ADAMTS6: variants seen among roughly 807,000 people sequenced by gnomAD.
The protein encoded by ADAMTS6 is ADAM metallopeptidase with thrombospondin type 1 motif 6.
ADAMTS6 carries 23 observed loss-of-function variants against 144.3 expected under a neutral mutation model. The observed-to-expected ratio is 0.16, with a 90% CI of 0.11 to 0.23. The LOEUF is 0.23. Ranked by LOEUF, ADAMTS6 falls within the 10% of genes least tolerant of loss-of-function variation. ADAMTS6 has a pLI of 1.00. For synonymous variants in ADAMTS6, 444 were observed against 457.5 expected (o/e 0.97, Z 0.38); for missense variants, 999 against 1,379.6 (o/e 0.72, Z 4.37).
chr5:65,236,073 A>T (rs58179964), intron 15 of ADAMTS6, among the ~76,000 whole-genome samples: 1 of 152,222 alleles, frequency 6.6e-6, no homozygotes, highest in Non-Finnish European at 1.5e-5. Flanking sequence ...AAATCTTTTT[A>T]AAAATGAAAG....
intron 7 of ADAMTS6, among the ~76,000 whole-genome samples, chr5:65,394,031 T>C (rs1358076187): frequency 6.6e-6 from 1 of 151,796 alleles, no homozygotes; most frequent in African/African-American, 2.4e-5. Context: ...ATGTGGCAAA[T>C]TTTTTTTTCC....
chr5:65,441,163 A>G (rs756316199), intron 7 of ADAMTS6, among the ~76,000 whole-genome samples: 7 of 152,148 alleles, frequency 4.6e-5, no homozygotes, highest in African/African-American at 7.2e-5. Context: ...CCCAAATTAA[A>G]CCACTAGAGA....
At chr5:65,344,775 C>T (rs1416628270) in intron 7 of ADAMTS6, among the ~76,000 whole-genome samples, 1 of 151,832 alleles carries the variant, frequency 6.6e-6, no homozygotes, top group East Asian at 1.9e-4. Flanking sequence ...ACATATTCGT[C>T]TTATTTTCGT....
intron 20 of ADAMTS6, among the ~76,000 whole-genome samples, chr5:65,204,874 T>C (rs1755979582): frequency 6.6e-6 from 1 of 152,204 alleles, no homozygotes; most frequent in Non-Finnish European, 1.5e-5. Context: ...AAACTATCTT[T>C]CACAGGGAAT....
chr5:65,179,861 T>C (rs1754227806), intron 22 of ADAMTS6, among the ~76,000 whole-genome samples: 1 of 152,146 alleles, frequency 6.6e-6, no homozygotes. Context: ...TTACATGTCT[T>C]TTCATCTCTA....
At chr5:65,281,311 T>A (rs964211047) in intron 11 of ADAMTS6, among the ~76,000 whole-genome samples, 1 of 152,210 alleles carries the variant, frequency 6.6e-6, no homozygotes, top group Non-Finnish European at 1.5e-5. Flanking sequence ...TAAGGCTGAT[T>A]AGTAATGGTT....
At chr5:65,427,117 C>T (rs1201276941) in intron 7 of ADAMTS6, among the ~76,000 whole-genome samples, 1 of 152,072 alleles carries the variant, frequency 6.6e-6, no homozygotes, top group African/African-American at 2.4e-5. Flanking sequence ...AAAATACCAA[C>T]ACTACCTAAA....
intron 7 of ADAMTS6, among the ~76,000 whole-genome samples, chr5:65,363,589 G>GC (rs1172634395): frequency 5.9e-5 from 9 of 151,798 alleles, no homozygotes; most frequent in African/African-American, 1.7e-4. Context: ...CTTCTTTTTG[G>GC]CAACGAGTGT....
chr5:65,239,410 G>T (rs1758974750), intron 15 of ADAMTS6, among the ~76,000 whole-genome samples: 1 of 152,130 alleles, frequency 6.6e-6, no homozygotes, highest in African/African-American at 2.4e-5. Context: ...AAATTATTTT[G>T]AGATAGATCA....
chr5:65,302,456 G>A (rs186213501), intron 9 of ADAMTS6, among the ~76,000 whole-genome samples: 56 of 150,766 alleles, frequency 3.7e-4, no homozygotes, highest in African/African-American at 1.3e-3. Context: ...AGTAATTCAG[G>A]TGGAGGAACA....
chr5:65,353,067 T>C (rs1415709266), intron 7 of ADAMTS6, among the ~76,000 whole-genome samples: 1 of 152,042 alleles, frequency 6.6e-6, no homozygotes, highest in African/African-American at 2.4e-5. Context: ...AATCTTACCC[T>C]ATAGGTAAAT....
At chr5:65,232,331 C>T (rs1580133259) in intron 15 of ADAMTS6, among the ~76,000 whole-genome samples, 1 of 151,708 alleles carries the variant, frequency 6.6e-6, no homozygotes, top group Non-Finnish European at 1.5e-5. Context: ...AACCTAACCC[C>T]AAAGTTAGAA....
At chr5:65,417,087 T>G (rs1267228020) in intron 7 of ADAMTS6, among the ~76,000 whole-genome samples, 1 of 152,172 alleles carries the variant, frequency 6.6e-6, no homozygotes, top group Non-Finnish European at 1.5e-5. Context: ...CACAAATCAA[T>G]AAATGTGATT....
intron 7 of ADAMTS6, among the ~76,000 whole-genome samples, chr5:65,342,949 T>C (rs1243036253): frequency 1.3e-5 from 2 of 151,844 alleles, no homozygotes; most frequent in Admixed American, 6.6e-5. Context: ...CCATTTACAA[T>C]AGCTACAAAT....
At chr5:65,244,769 A>C (rs1199360672) in intron 14 of ADAMTS6, among the ~76,000 whole-genome samples, 1 of 152,164 alleles carries the variant, frequency 6.6e-6, no homozygotes, top group Non-Finnish European at 1.5e-5. Context: ...TTTCACGATA[A>C]GTGTGGGAGT....
At chr5:65,415,988 G>T in intron 7 of ADAMTS6, 1 of 186,930 alleles carries the variant, frequency 5.3e-6, no homozygotes, top group Admixed American at 6.0e-5. Context: ...TGCTGATGAC[G>T]GCTGGTATCG....
At chr5:65,174,137 A>C (rs968520186) in intron 22 of ADAMTS6, among the ~76,000 whole-genome samples, 7 of 152,178 alleles carry the variant, frequency 4.6e-5, no homozygotes, top group Admixed American at 4.6e-4. Context: ...GATCTCCTAC[A>C]GGAACTACAC....
In ADAMTS6 at chr5:65,357,546, G is replaced by T. The variant is rs145803250; in HGVS notation, c.1074-23461C>A. On this transcript the variant is annotated intron_variant, in intron 7 of 24. Coordinates refer to ENST00000381055, the MANE Select transcript of ADAMTS6 (RefSeq NM_197941.4). ...TAGAGACTAAAAAAACAATAAAAAA[G>T]ATCAATGAAATTAGGAGTGGGTCTT... Among the ~76,000 whole-genome samples, 27 of 151,332 alleles carry T rather than the reference G, an allele frequency of 1.8e-4. 2 individuals are homozygous for T. Among genetic ancestry groups the T allele is most frequent in the African/African-American group, 6.5e-4 (27 of 41,372 alleles).
intron 11 of ADAMTS6, among the ~76,000 whole-genome samples, chr5:65,288,491 T>C (rs1741962273): frequency 6.6e-6 from 1 of 152,080 alleles, no homozygotes; most frequent in South Asian, 2.1e-4. Flanking sequence ...AGCTAATTTT[T>C]GTATTTTTAG....
Sources: allele counts gnomAD v4.1 joint callset (sites outside exome capture counted in the v4.1 genomes callset), GRCh38; gene constraint gnomAD v4.1.1; transcripts MANE v1.5; gene names NCBI Gene and HGNC (gene_info 2026-07-23, HGNC 2026-07-21).